The following ADGRV1 variants were observed in gnomAD, a reference collection of about 807,000 sequenced individuals.
ADGRV1 encodes the protein adhesion G protein-coupled receptor V1, also known as G-protein coupled receptor 98.
Under a neutral mutation model 596.2 loss-of-function variants are expected in ADGRV1, and 359 were observed. That is an observed-to-expected ratio of 0.60 (90% confidence interval 0.55 to 0.66). The LOEUF is 0.66. ADGRV1 is among the 30% of genes least tolerant of loss of function. ADGRV1 has a pLI of 0.00. For missense variants in ADGRV1, 7,274 were observed against 7,575.6 expected (o/e 0.96, Z 1.48); for synonymous variants, 2,681 against 2,679.2 (o/e 1.00, Z -0.02).
intron 86 of ADGRV1, among the ~76,000 whole-genome samples, chr5:91,087,479 T>TA (rs58850347): frequency 1.3e-5 from 2 of 151,538 alleles, no homozygotes; most frequent in East Asian, 3.9e-4. Flanking sequence ...TTTTTTTTTT[T>TA]ATGGTAGAGA....
Position 90,725,241 on chromosome 5 carries a change from AT to A in ADGRV1, c.10053+13del. ...GATTTAAATTATTCCTGGTAAAAAC[AT>A]TTTCATTTTTAAATAGATTACTTTC... On this transcript the variant is annotated intron_variant, in intron 47 of 89. Transcript: ENST00000405460. 1.5e-6 allele frequency: 2 copies of A among 1,348,914 alleles called. No individual in the cohort carries two copies. Among genetic ancestry groups the A allele is most frequent in the Non-Finnish European group, 2.0e-6 (2 of 1,003,332 alleles). 83.6% of individuals were successfully genotyped at this position (1,348,914 alleles called of 1,614,324 possible). A position where few individuals can be genotyped will look rare whatever the true frequency, so the allele number is the denominator to read the frequency against.
At chr5:90,632,695 TGAA>T (rs1015931853) in intron 9 of ADGRV1, among the ~76,000 whole-genome samples, 1 of 152,210 alleles carries the variant, frequency 6.6e-6, no homozygotes, top group African/African-American at 2.4e-5. Flanking sequence ...AGAAAAAAGT[TGAA>T]GAAGGATGTA....
chr5:90,594,204 G>T (rs1015653625), intron 1 of ADGRV1, among the ~76,000 whole-genome samples: 1 of 152,108 alleles, frequency 6.6e-6, no homozygotes, highest in East Asian at 1.9e-4. Context: ...TTGACCTGTA[G>T]ATCTCGTAAT....
At chr5:90,669,267 C>T (rs1165937515) in intron 21 of ADGRV1, among the ~76,000 whole-genome samples, 1 of 152,166 alleles carries the variant, frequency 6.6e-6, no homozygotes, top group Non-Finnish European at 1.5e-5. Context: ...GTTGTATTGA[C>T]ACCTGGGTCT....
chr5:91,068,509 A>G (rs1366348532), intron 85 of ADGRV1, among the ~76,000 whole-genome samples: 1 of 151,890 alleles, frequency 6.6e-6, no homozygotes, highest in African/African-American at 2.4e-5. Flanking sequence ...GGCCTTTAAT[A>G]ATATATTTCT....
intron 83 of ADGRV1, among the ~76,000 whole-genome samples, chr5:90,918,457 T>C (rs1365125199): frequency 1.3e-5 from 2 of 152,196 alleles, no homozygotes; most frequent in Non-Finnish European, 2.9e-5. Context: ...TCTACATCCA[T>C]GAGTCACCAA....
chr5:90,985,306 A>G (rs777697515), intron 84 of ADGRV1, 38 bp from the exon 85 acceptor site: 1 of 1,492,086 alleles, frequency 6.7e-7, no homozygotes, highest in Non-Finnish European at 9.1e-7. Flanking sequence ...GTGCCATTAA[A>G]GAAGAGCCTG....
Position 91,102,200 on chromosome 5 carries a change from CTTTTT to C in ADGRV1, c.18311-13_18311-9del. 1 of 1,414,970 alleles carries C rather than the reference CTTTTT, an allele frequency of 7.1e-7. No homozygotes were observed. The highest frequency in any genetic ancestry group is 9.6e-7 in the Non-Finnish European group (1 of 1,040,600). The allele number at this position is 1,414,970 out of a possible 1,614,324, so 87.7% of individuals were successfully genotyped here. A position where few individuals can be genotyped will look rare whatever the true frequency, so the allele number is the denominator to read the frequency against. ...TGCAGTATTCTGAAGCTCAAAAATTCTTTTTTTTTTATTTCTAGAAATTCCACTGA... is the reference window on the plus strand; with the variant it reads ...TGCAGTATTCTGAAGCTCAAAAATTCTTTTTATTTCTAGAAATTCCACTGA... On this transcript the variant is annotated splice_polypyrimidine_tract_variant and intron_variant, in intron 86 of 89. Transcript: ENST00000405460.
At chr5:91,093,960 T>A (rs941015747) in intron 86 of ADGRV1, among the ~76,000 whole-genome samples, 1 of 151,260 alleles carries the variant, frequency 6.6e-6, no homozygotes, top group East Asian at 2.0e-4. Context: ...CAAGCAATTC[T>A]CCTGCCTCAG....
intron 9 of ADGRV1, chr5:90,629,907 A>G (rs1765275936): frequency 6.1e-6 from 1 of 163,036 alleles, no homozygotes; most frequent in Non-Finnish European, 1.3e-5. Context: ...TTGGGAAAAT[A>G]TGACATAGGA....
At chr5:90,906,304 TATTAG>T (rs1210988289) in intron 83 of ADGRV1, among the ~76,000 whole-genome samples, 1 of 152,102 alleles carries the variant, frequency 6.6e-6, no homozygotes. Context: ...GTAGGATTGG[TATTAG>T]TTCTTCTTTA....
At chr5:90,754,951 G>C (rs1755670143) in intron 54 of ADGRV1, 32 bp from the exon 55 acceptor site, 9 of 1,464,060 alleles carry the variant, frequency 6.1e-6, no homozygotes, top group Non-Finnish European at 8.6e-6. Flanking sequence ...AAATAGAAAA[G>C]ACTATTTACT....
intron 28 of ADGRV1, among the ~76,000 whole-genome samples, 155 bp downstream of exon 28, chr5:90,684,350 A>G (rs1745332136): frequency 6.6e-6 from 1 of 152,212 alleles, no homozygotes; most frequent in Admixed American, 6.5e-5. Flanking sequence ...GGTAACTGGA[A>G]GCCAGACACA....
rs768575342 is a variant in ADGRV1 at position 90,790,882 on chromosome 5, G to A, written c.14053G>A (p.Glu4685Lys). The stretch of plus-strand genomic sequence containing the variant: ...TTTTCTTTTATTTTAGGTTTACTGG[G>A]AATTAAGTAGTGAGTTTGACATTAC... ...GTFGEIMVYW[E>K]LSSEFDITED... The change falls in exon 70 of 90, where the codon GAA becomes AAA. Residue 4685 changes from glutamate to lysine, a missense_variant. By Grantham distance (56) the Glu-to-Lys change is moderately conservative. This residue lies in a region of ADGRV1 where 1,874 missense variants were observed against 1,970.2 expected (regional missense o/e 0.95). Transcript: ENST00000405460. 1.9e-6 allele frequency: 3 copies of A among 1,602,730 alleles called. No homozygotes were observed. Among genetic ancestry groups the A allele is most frequent in the Non-Finnish European group, 2.6e-6 (3 of 1,174,396 alleles).
At chr5:90,658,400 C>A in intron 21 of ADGRV1, 122 bp downstream of exon 21, 1 of 797,992 alleles carries the variant, frequency 1.3e-6, no homozygotes. Flanking sequence ...CAGAAGTATG[C>A]TAGGGCCAGT....
At chr5:90,667,102 T>A (rs982293400) in intron 21 of ADGRV1, among the ~76,000 whole-genome samples, 1 of 151,770 alleles carries the variant, frequency 6.6e-6, no homozygotes, top group Non-Finnish European at 1.5e-5. Context: ...GAGTTGCTCT[T>A]CTCGAGGAGT....
intron 86 of ADGRV1, among the ~76,000 whole-genome samples, chr5:91,088,745 A>C (rs1291221726): frequency 6.6e-6 from 1 of 152,148 alleles, no homozygotes; most frequent in Non-Finnish European, 1.5e-5. Flanking sequence ...AACCAGTTTA[A>C]CCATTAACAA....
In ADGRV1 at chr5:90,658,171, T is replaced by C. The variant is rs762955065; in HGVS notation, c.4645T>C (p.Tyr1549His). 1 of 1,599,572 alleles carries C rather than the reference T, an allele frequency of 6.3e-7. No individual in the cohort carries two copies. Among genetic ancestry groups the C allele is most frequent in the Non-Finnish European group, 8.5e-7 (1 of 1,170,840 alleles). Residue 1549 changes from tyrosine to histidine, a missense_variant, in exon 21 of 90, where the codon TAT becomes CAT. Tyr to His is a moderately conservative substitution (Grantham distance 83). Coordinates refer to ENST00000405460, the MANE Select transcript of ADGRV1 (RefSeq NM_032119.4). Reference sequence around the variant, plus strand: ...ATTCATTCTTAAACTAGTTTCTGTATATGGAGGAGCTCGTATTTCGGAAGA... The same window carrying C: ...ATTCATTCTTAAACTAGTTTCTGTACATGGAGGAGCTCGTATTTCGGAAGA... ...ELFILKLVSV[Y>H]GGARISEENT...
intron 21 of ADGRV1, among the ~76,000 whole-genome samples, chr5:90,661,275 ATTGTT>A (rs1770252298): frequency 6.6e-6 from 1 of 152,186 alleles, no homozygotes; most frequent in Non-Finnish European, 1.5e-5. Context: ...TGCTAATCGT[ATTGTT>A]TTATTTTTTA....
Sources: gnomAD v4.1 joint callset for allele counts (sites outside exome capture counted in the v4.1 genomes callset) on GRCh38, gnomAD v4.1.1 for gene constraint, gnomAD v4.1.1 regional missense constraint, MANE v1.5 for transcripts, NCBI Gene and HGNC (gene_info 2026-07-23, HGNC 2026-07-21) for gene names.